Variants in TTC22 observed in about 807,000 individuals in gnomAD.
The protein encoded by TTC22 is tetratricopeptide repeat domain 22.
A neutral mutation model predicts 48.2 loss-of-function variants in TTC22; 42 were observed. The observed-to-expected ratio is 0.87, with a 90% CI of 0.68 to 1.13. TTC22 has a LOEUF of 1.13. TTC22 is among the 50% of genes most tolerant of loss of function. The probability of loss-of-function intolerance (pLI) is 0.00; values close to 1 mark genes in which losing one functional copy is unlikely to be tolerated. For missense variants in TTC22, 784 were observed against 807.0 expected (o/e 0.97, Z 0.34); for synonymous variants, 345 against 365.5 (o/e 0.94, Z 0.64).
At chr1:54,782,533 C>T in intron 5 of TTC22, 56 bp from the exon 6 acceptor site, 1 of 1,469,480 alleles carries the variant, frequency 6.8e-7, no homozygotes, top group Non-Finnish European at 9.1e-7. Context: ...CTCTGCCTTC[C>T]TCTCTGCTCT....
chr1:54,793,684 T>A (rs1454096443), intron 1 of TTC22, among the ~76,000 whole-genome samples: 1 of 152,220 alleles, frequency 6.6e-6, no homozygotes, highest in Non-Finnish European at 1.5e-5. Flanking sequence ...GAGATAATGC[T>A]CTTTTGCTAT....
At chr1:54,786,932 G>T in intron 4 of TTC22, 25 bp downstream of exon 4, 1 of 1,251,414 alleles carries the variant, frequency 8.0e-7, no homozygotes, top group Non-Finnish European at 1.1e-6. Flanking sequence ...CAGTTTAGAG[G>T]GTGGGTGTGG....
chr1:54,786,638 A>G lies in TTC22; in HGVS notation c.858+319T>C, dbSNP rs976580480. ...TGGCAAGGAGACACCAGCTAAACCC[A>G]TCTTTCTACTATGCCACTGGGGGTG... is the stretch of plus-strand genomic sequence containing the variant. On this transcript the variant is annotated intron_variant, in intron 4 of 6. Transcript: ENST00000371276. 7.4e-5 allele frequency: 22 copies of G among 296,614 alleles called. No homozygotes were observed. The Admixed American group carries it at 1.1e-3, about 15-fold the overall frequency. The allele number at this position is 296,614 out of a possible 1,614,324, so 18.4% of individuals were successfully genotyped here.
At chr1:54,786,453 C>T (rs1268864014) in intron 4 of TTC22, 2 of 323,144 alleles carry the variant, frequency 6.2e-6, no homozygotes, top group Non-Finnish European at 1.1e-5. Flanking sequence ...TCCCATCTTC[C>T]TAGGGCAGGT....
intron 1 of TTC22, among the ~76,000 whole-genome samples, chr1:54,792,328 T>A (rs1169028765): frequency 1.3e-5 from 2 of 152,198 alleles, no homozygotes; most frequent in South Asian, 4.1e-4. Context: ...TACACAGACC[T>A]AGTCAGAAGC....
In TTC22 at chr1:54,781,103, A is replaced by T; in HGVS notation, c.*140T>A. ...ACCGCGCGGGTGTCGCAACATCCCC[A>T]TTCACAATTCCCGACCAAGAATCGA... is the stretch of plus-strand genomic sequence containing the variant. On this transcript the variant is annotated 3_prime_UTR_variant, in exon 7 of 7. Transcript: ENST00000371276. 2 of 579,332 alleles carry T rather than the reference A, an allele frequency of 3.5e-6. No homozygotes were observed. The highest frequency in any genetic ancestry group is 5.3e-6 in the Non-Finnish European group (2 of 375,008). The allele number at this position is 579,332 out of a possible 1,614,324, so 35.9% of individuals were successfully genotyped here.
At chr1:54,790,766 CT>C (rs1386347865) in intron 1 of TTC22, among the ~76,000 whole-genome samples, 1 of 119,624 alleles carries the variant, frequency 8.4e-6, no homozygotes. Context: ...TTCCTGGCTG[CT>C]GCTGCTGCTG....
At chr1:54,794,441 C>G (rs1375855764) in intron 1 of TTC22, among the ~76,000 whole-genome samples, 1 of 152,194 alleles carries the variant, frequency 6.6e-6, no homozygotes, top group African/African-American at 2.4e-5. Flanking sequence ...AATAGAAGAT[C>G]TTTCACTACC....
At chr1:54,782,059 A>G (rs115790815) in intron 6 of TTC22, among the ~76,000 whole-genome samples, 1 of 152,220 alleles carries the variant, frequency 6.6e-6, no homozygotes, top group Non-Finnish European at 1.5e-5. Context: ...ACTTCTTGGT[A>G]AACATTCCCT....
At chr1:54,800,510 G>A in intron 1 of TTC22, 87 bp downstream of exon 1, 1 of 1,174,970 alleles carries the variant, frequency 8.5e-7, no homozygotes, top group Non-Finnish European at 1.1e-6. Flanking sequence ...AGAGAGTCAG[G>A]GGTACCGGGG....
chr1:54,795,572 T>G (rs1646384142), intron 1 of TTC22, among the ~76,000 whole-genome samples: 1 of 152,198 alleles, frequency 6.6e-6, no homozygotes, highest in Non-Finnish European at 1.5e-5. Flanking sequence ...CTAGCACCGG[T>G]AGTAGCTGAG....
At chr1:54,795,674 C>G (rs1646385066) in intron 1 of TTC22, among the ~76,000 whole-genome samples, 1 of 152,212 alleles carries the variant, frequency 6.6e-6, no homozygotes, top group Non-Finnish European at 1.5e-5. Flanking sequence ...GTGCTGCACT[C>G]TCACATACAT....
Position 54,781,426 on chromosome 1 carries a change from G to A in TTC22, c.1527C>T (p.Pro509=), listed in dbSNP as rs1372424663. 5 of 1,417,016 alleles carry A rather than the reference G, an allele frequency of 3.5e-6. No homozygotes were observed. Among genetic ancestry groups the A allele is most frequent in the African/African-American group, 3.0e-5 (2 of 66,008 alleles). 87.8% of individuals were successfully genotyped at this position (1,417,016 alleles called of 1,614,324 possible). A position where few individuals can be genotyped will look rare whatever the true frequency, so the allele number is the denominator to read the frequency against. The part of the protein sequence containing the change: ...AWLRRAQDKY[P]AARLRQELQR... ...GCAGCTCCTGGCGCAGGCGCGCCGC[G>A]GGGTACTTGTCCTGGGCGCGGCGCA... Residue 509 remains proline, a synonymous_variant, in exon 7 of 7, where the codon CCC becomes CCT. Transcript: ENST00000371276.
At chr1:54,787,560 C>T in intron 3 of TTC22, 151 bp downstream of exon 3, 1 of 656,326 alleles carries the variant, frequency 1.5e-6, no homozygotes, top group Non-Finnish European at 2.7e-6. Context: ...TATGTGGGCT[C>T]CTTGAGGTGC....
chr1:54,790,761 G>GGCTGCTGCTGCTGCT (rs3065099), intron 1 of TTC22, among the ~76,000 whole-genome samples: 43 of 151,500 alleles, frequency 2.8e-4, no homozygotes, highest in Non-Finnish European at 5.6e-4. Context: ...CAGGCTTCCT[G>GGCTGCTGCTGCTGCT]GCTGCTGCTG....
intron 1 of TTC22, among the ~76,000 whole-genome samples, chr1:54,798,705 A>G (rs1031848579): frequency 1.3e-5 from 2 of 152,234 alleles, no homozygotes; most frequent in African/African-American, 4.8e-5. Context: ...TCTTAAAAAC[A>G]GAGCCTGGCA....
In TTC22 at chr1:54,780,255, G is replaced by C. The variant is rs978548390; in HGVS notation, c.*988C>G. The C allele has an allele frequency of 6.6e-6, 1 of 152,256 alleles. No individual in the cohort carries two copies. Among genetic ancestry groups the C allele is most frequent in the Non-Finnish European group, 1.5e-5 (1 of 68,116 alleles). 9.4% of individuals were successfully genotyped at this position (152,256 alleles called of 1,614,324 possible). A position where few individuals can be genotyped will look rare whatever the true frequency, so the allele number is the denominator to read the frequency against. On this transcript the variant is annotated 3_prime_UTR_variant, in exon 7 of 7. Transcript: ENST00000371276. Reference sequence around the variant, plus strand: ...TGTAATCCTAGCACTTTGGGAGGCTGAGGCGGGTGGATCAGTTGAGGTCAG... The same window carrying C: ...TGTAATCCTAGCACTTTGGGAGGCTCAGGCGGGTGGATCAGTTGAGGTCAG...
intron 1 of TTC22, among the ~76,000 whole-genome samples, chr1:54,795,223 G>A (rs914173277): frequency 1.3e-5 from 2 of 152,254 alleles, no homozygotes; most frequent in African/African-American, 4.8e-5. Flanking sequence ...CTGCAAACAG[G>A]GGTGACCCCA....
At chr1:54,784,602 G>C in intron 5 of TTC22, 4 of 1,070,584 alleles carry the variant, frequency 3.7e-6, no homozygotes, top group Non-Finnish European at 4.6e-6. Context: ...TTACTATTAT[G>C]GTTAATGTCA....
Sources: gnomAD v4.1 joint callset for allele counts (sites outside exome capture counted in the v4.1 genomes callset) on GRCh38, gnomAD v4.1.1 for gene constraint, MANE v1.5 for transcripts, NCBI Gene and HGNC (gene_info 2026-07-23, HGNC 2026-07-21) for gene names.